LINGO2: variants seen among roughly 807,000 people sequenced by gnomAD.
The protein encoded by LINGO2 is leucine-rich repeat and immunoglobulin-like domain-containing nogo receptor-interacting protein 2.
LINGO2 carries 14 observed loss-of-function variants against 30.6 expected under a neutral mutation model. That is an observed-to-expected ratio of 0.46 (90% CI 0.30 to 0.72). The LOEUF (loss-of-function observed/expected upper bound fraction) is 0.72. LINGO2 is among the 30% of genes least tolerant of loss of function. The pLI is 0.07. For missense variants in LINGO2, 729 were observed against 751.7 expected (o/e 0.97, Z 0.35); for synonymous variants, 317 against 288.5 (o/e 1.10, Z -1.00).
chr9:28,754,929 C>A, the LINGO2 span, among the ~76,000 whole-genome samples: 1,500 of 152,042 alleles, frequency 9.9e-3, 33 homozygotes, highest in African/African-American at 0.035. Flanking sequence ...CCACGCCCAG[C>A]CTTATCTGTT....
At chr9:28,935,357 C>T in the LINGO2 span, among the ~76,000 whole-genome samples, 3,431 of 152,100 alleles carry the variant, frequency 0.023, 137 homozygotes, top group African/African-American at 0.079. Flanking sequence ...GCTCTTGGTG[C>T]AATACCCCAT....
At chr9:28,537,429 C>T (rs1335953742) in intron 1 of LINGO2, among the ~76,000 whole-genome samples, 1 of 152,078 alleles carries the variant, frequency 6.6e-6, no homozygotes, top group Non-Finnish European at 1.5e-5. Flanking sequence ...TCTTTTGAGG[C>T]TTTCCAAAAA....
chr9:28,281,389 C>A (rs541520190), intron 4 of LINGO2, among the ~76,000 whole-genome samples: 27 of 151,982 alleles, frequency 1.8e-4, no homozygotes, highest in Non-Finnish European at 2.9e-4. Flanking sequence ...CCATTAAATG[C>A]CCCAGTTAAC....
chr9:28,469,105 T>C (rs1205694332), intron 2 of LINGO2, among the ~76,000 whole-genome samples: 6 of 151,792 alleles, frequency 4.0e-5, no homozygotes, highest in Non-Finnish European at 5.9e-5. Context: ...TCGATAAATA[T>C]AGAAATCATA....
the LINGO2 span, among the ~76,000 whole-genome samples, chr9:28,898,922 A>C: frequency 6.6e-6 from 1 of 151,896 alleles, no homozygotes; most frequent in Non-Finnish European, 1.5e-5. Context: ...TGAACCTAAA[A>C]TGAAAGTTAA....
intron 1 of LINGO2, among the ~76,000 whole-genome samples, chr9:28,485,694 C>T (rs1010908073): frequency 2.0e-5 from 3 of 152,042 alleles, no homozygotes; most frequent in African/African-American, 2.4e-5. Flanking sequence ...CATGCAACAA[C>T]CCTGAAACAT....
intron 1 of LINGO2, among the ~76,000 whole-genome samples, chr9:28,526,805 T>C (rs1821055813): frequency 6.6e-6 from 1 of 152,228 alleles, no homozygotes; most frequent in African/African-American, 2.4e-5. Flanking sequence ...ATTTTGGTTT[T>C]ACAACGTAAT....
chr9:28,666,369 C>T (rs1487083793), intron 1 of LINGO2, among the ~76,000 whole-genome samples: 4 of 152,064 alleles, frequency 2.6e-5, no homozygotes, highest in Non-Finnish European at 5.9e-5. Flanking sequence ...TTGAAAATAA[C>T]TCCGGTTTTA....
the LINGO2 span, among the ~76,000 whole-genome samples, chr9:28,728,566 T>A: frequency 6.6e-6 from 1 of 151,966 alleles, no homozygotes; most frequent in Non-Finnish European, 1.5e-5. Context: ...GTAAAAGTTG[T>A]CAAAAATTAT....
chr9:28,164,815 C>T (rs956935227), intron 4 of LINGO2, among the ~76,000 whole-genome samples: 1 of 152,134 alleles, frequency 6.6e-6, no homozygotes, highest in Non-Finnish European at 1.5e-5. Context: ...GCTCCCTTAG[C>T]CCCCTTGCAC....
chr9:28,642,596 T>TA (rs1221117171), intron 1 of LINGO2, among the ~76,000 whole-genome samples: 4 of 152,076 alleles, frequency 2.6e-5, no homozygotes, highest in African/African-American at 9.7e-5. Context: ...TCTACTTTCT[T>TA]AAAAAAATAG....
intron 5 of LINGO2, among the ~76,000 whole-genome samples, chr9:28,004,771 G>T: frequency 6.6e-6 from 1 of 152,194 alleles, no homozygotes; most frequent in Non-Finnish European, 1.5e-5. Context: ...AGCAGAATGA[G>T]AAAGAGACAC....
intron 4 of LINGO2, among the ~76,000 whole-genome samples, chr9:28,288,352 T>C (rs1054373564): frequency 1.3e-5 from 2 of 152,144 alleles, no homozygotes; most frequent in Admixed American, 6.5e-5. Context: ...CAGTTTCCCA[T>C]CCATTAAAAC....
At chr9:28,688,575 C>T in the LINGO2 span, among the ~76,000 whole-genome samples, 1 of 152,162 alleles carries the variant, frequency 6.6e-6, no homozygotes, top group Non-Finnish European at 1.5e-5. Context: ...AGGAAGAATG[C>T]AGGTGTATCT....
chr9:28,711,166 A>G, the LINGO2 span, among the ~76,000 whole-genome samples: 1 of 152,166 alleles, frequency 6.6e-6, no homozygotes, highest in Non-Finnish European at 1.5e-5. Flanking sequence ...TTATTAAGTG[A>G]TAAGAAAATT....
chr9:28,314,119 A>G (rs1436832640), intron 3 of LINGO2, among the ~76,000 whole-genome samples: 3 of 152,014 alleles, frequency 2.0e-5, no homozygotes, highest in Non-Finnish European at 2.9e-5. Context: ...TATTTTTACT[A>G]GAGACGGGGT....
chr9:28,774,592 T>TAA, the LINGO2 span, among the ~76,000 whole-genome samples: 4 of 148,808 alleles, frequency 2.7e-5, no homozygotes, highest in Non-Finnish European at 4.5e-5. Flanking sequence ...GCTCTGAACT[T>TAA]AAAAAAAAAA....
the LINGO2 span, among the ~76,000 whole-genome samples, chr9:28,929,722 G>A: frequency 0.091 from 13,862 of 152,198 alleles, 727 homozygotes; most frequent in South Asian, 0.15. Flanking sequence ...CTGAGTGAGA[G>A]TGCAAACTGC....
chr9:28,996,262 C>A, the LINGO2 span, among the ~76,000 whole-genome samples: 1 of 152,062 alleles, frequency 6.6e-6, no homozygotes, highest in Admixed American at 6.6e-5. Context: ...ATAGCATTAC[C>A]TTAACTAGCA....
Sources: allele counts gnomAD v4.1 joint callset (sites outside exome capture counted in the v4.1 genomes callset), GRCh38; gene constraint gnomAD v4.1.1; transcripts MANE v1.5; gene names NCBI Gene and HGNC (gene_info 2026-07-23, HGNC 2026-07-21).